Variants in DYNC1I1 observed in about 807,000 individuals in gnomAD.
The protein encoded by DYNC1I1 is cytoplasmic dynein 1 intermediate chain 1.
Under a neutral mutation model 86.6 loss-of-function variants are expected in DYNC1I1, and 43 were observed. The ratio of observed to expected loss-of-function variants is 0.50; its 90% CI spans 0.39 to 0.64. The LOEUF (loss-of-function observed/expected upper bound fraction) is 0.64. Ranked by LOEUF, DYNC1I1 falls within the 30% of genes least tolerant of loss-of-function variation. The pLI is 0.00. For missense variants in DYNC1I1, 604 were observed against 788.8 expected (o/e 0.77, Z 2.81); for synonymous variants, 262 against 283.7 (o/e 0.92, Z 0.77).
chr7:95,926,909 A>C (rs540060185), intron 6 of DYNC1I1, among the ~76,000 whole-genome samples: 78 of 152,308 alleles, frequency 5.1e-4, no homozygotes, highest in Admixed American at 2.2e-3. Flanking sequence ...AATCTTTAGC[A>C]GATAGATACA....
intron 9 of DYNC1I1, among the ~76,000 whole-genome samples, chr7:95,992,898 G>A (rs571576051): frequency 5.9e-5 from 9 of 152,160 alleles, no homozygotes; most frequent in South Asian, 2.1e-4. Flanking sequence ...AACCTCTGCC[G>A]GCCTCAGCCA....
intron 6 of DYNC1I1, among the ~76,000 whole-genome samples, chr7:95,957,173 AT>A (rs1792738217): frequency 6.6e-6 from 1 of 152,230 alleles, no homozygotes; most frequent in African/African-American, 2.4e-5. Context: ...AGGCTAAAAT[AT>A]TCCTTATGTG....
At chr7:95,826,531 T>G (rs1051134253) in intron 4 of DYNC1I1, among the ~76,000 whole-genome samples, 1 of 152,228 alleles carries the variant, frequency 6.6e-6, no homozygotes, top group Non-Finnish European at 1.5e-5. Context: ...TAAGCACATA[T>G]GCGCGATACA....
chr7:95,840,069 TTATATGGTGTTC>T (rs113418033), intron 5 of DYNC1I1, among the ~76,000 whole-genome samples: 79,854 of 151,276 alleles, frequency 0.53, 21,826 homozygotes, highest in African/African-American at 0.68. Flanking sequence ...TGGGATTATC[TTATATGGTGTTC>T]TTGGTGTTCT....
chr7:95,813,110 T>TTA, intron 3 of DYNC1I1, 137 bp from the exon 4 acceptor site: 2 of 1,417,206 alleles, frequency 1.4e-6, no homozygotes, highest in Non-Finnish European at 1.9e-6. Context: ...TTTTTTTTCT[T>TTA]TATCCCATCT....
intron 6 of DYNC1I1, among the ~76,000 whole-genome samples, chr7:95,895,378 A>G (rs765885663): frequency 1.2e-4 from 19 of 152,202 alleles, no homozygotes; most frequent in Non-Finnish European, 2.4e-4. Flanking sequence ...CCAAACAACC[A>G]TAGAATGGTC....
At chr7:95,900,720 A>G (rs1791015163) in intron 6 of DYNC1I1, among the ~76,000 whole-genome samples, 1 of 152,160 alleles carries the variant, frequency 6.6e-6, no homozygotes. Flanking sequence ...GTTGTATGGT[A>G]TATAATCTTT....
chr7:95,786,339 T>C (rs1277056252), intron 1 of DYNC1I1, among the ~76,000 whole-genome samples: 1 of 152,224 alleles, frequency 6.6e-6, no homozygotes, highest in Non-Finnish European at 1.5e-5. Context: ...TGTCAATGTC[T>C]GGCTCTCACT....
At chr7:95,948,813 T>C (rs1449615351) in intron 6 of DYNC1I1, among the ~76,000 whole-genome samples, 1 of 152,140 alleles carries the variant, frequency 6.6e-6, no homozygotes, top group East Asian at 1.9e-4. Context: ...GTGGAATGAA[T>C]AGGAGTGCTG....
At chr7:95,782,351 C>A (rs145343932) in intron 1 of DYNC1I1, among the ~76,000 whole-genome samples, 5 of 152,184 alleles carry the variant, frequency 3.3e-5, no homozygotes, top group Non-Finnish European at 5.9e-5. Context: ...ATGGGGCACC[C>A]CTAGGGACAC....
At chr7:95,838,795 GA>G (rs1466089939) in intron 5 of DYNC1I1, among the ~76,000 whole-genome samples, 2 of 151,948 alleles carry the variant, frequency 1.3e-5, no homozygotes, top group Non-Finnish European at 2.9e-5. Flanking sequence ...ATTATTAGTG[GA>G]AATGCTTTCT....
chr7:96,052,775 G>A (rs1468572788), intron 14 of DYNC1I1, among the ~76,000 whole-genome samples: 1 of 152,128 alleles, frequency 6.6e-6, no homozygotes, highest in Non-Finnish European at 1.5e-5. Flanking sequence ...ATGACAAAAG[G>A]CAAAAAGGCA....
chr7:95,780,397 A>G (rs1562889212), intron 1 of DYNC1I1, among the ~76,000 whole-genome samples: 1 of 148,378 alleles, frequency 6.7e-6, no homozygotes, highest in Non-Finnish European at 1.5e-5. Flanking sequence ...CCTCCCGAGT[A>G]GCTGGGACTA....
intron 14 of DYNC1I1, among the ~76,000 whole-genome samples, chr7:96,070,641 C>T (rs1407670402): frequency 6.6e-6 from 1 of 152,122 alleles, no homozygotes; most frequent in East Asian, 1.9e-4. Flanking sequence ...CCCCTACCAC[C>T]TACCCACCCA....
At chr7:95,992,628 T>A (rs1444833876) in intron 9 of DYNC1I1, among the ~76,000 whole-genome samples, 1 of 152,020 alleles carries the variant, frequency 6.6e-6, no homozygotes, top group East Asian at 1.9e-4. Flanking sequence ...AATGCTAGGT[T>A]CTTTTTTTTT....
intron 16 of DYNC1I1, among the ~76,000 whole-genome samples, chr7:96,085,879 T>A (rs1281618640): frequency 6.6e-6 from 1 of 152,106 alleles, no homozygotes. Context: ...ATGGGTAGGA[T>A]AATAAGTCAA....
chr7:96,013,448 TTTTTGTTTTG>T (rs369715636), intron 10 of DYNC1I1, among the ~76,000 whole-genome samples: 11 of 152,120 alleles, frequency 7.2e-5, no homozygotes, highest in Admixed American at 6.5e-5. Flanking sequence ...TCATAATTTG[TTTTTGTTTTG>T]TTTTGTTTTG....
chr7:95,868,476 A>G (rs913527202), intron 5 of DYNC1I1, among the ~76,000 whole-genome samples: 1 of 152,218 alleles, frequency 6.6e-6, no homozygotes, highest in African/African-American at 2.4e-5. Flanking sequence ...ACAATTAAGG[A>G]CAATAATATG....
chr7:95,932,900 T>A (rs1294332037), intron 6 of DYNC1I1, among the ~76,000 whole-genome samples: 2 of 142,010 alleles, frequency 1.4e-5, no homozygotes, highest in African/African-American at 5.1e-5. Flanking sequence ...TTTTTTGAGA[T>A]GACAATGTCT....
Sources: gnomAD v4.1 joint callset for allele counts (sites outside exome capture counted in the v4.1 genomes callset) on GRCh38, gnomAD v4.1.1 for gene constraint, MANE v1.5 for transcripts, NCBI Gene and HGNC (gene_info 2026-07-23, HGNC 2026-07-21) for gene names.